NELL1: variants seen among roughly 807,000 people sequenced by gnomAD.
The protein encoded by NELL1 is neural EGFL like 1.
In NELL1, 76 loss-of-function variants were observed where a neutral mutation model predicts 107.4. That is an observed-to-expected ratio of 0.71 (90% CI 0.59 to 0.86). The LOEUF is 0.86. NELL1 is among the 40% of genes least tolerant of loss of function. The pLI, the probability that NELL1 is intolerant of heterozygous loss-of-function variation, is 0.00. For synonymous variants in NELL1, 353 were observed against 341.2 expected (o/e 1.03, Z -0.38); for missense variants, 1,024 against 1,005.5 (o/e 1.02, Z -0.25).
At chr11:21,101,621 G>C (rs1854817586) in intron 12 of NELL1, among the ~76,000 whole-genome samples, 1 of 151,964 alleles carries the variant, frequency 6.6e-6, no homozygotes. Flanking sequence ...GTGTCTTTTG[G>C]CTGCATAAAT....
intron 14 of NELL1, among the ~76,000 whole-genome samples, chr11:21,279,811 C>T (rs1199675837): frequency 6.6e-6 from 1 of 152,110 alleles, no homozygotes; most frequent in Non-Finnish European, 1.5e-5. Flanking sequence ...AACTTGGAAG[C>T]AATAAAAATG....
intron 14 of NELL1, 123 bp downstream of exon 14, chr11:21,229,577 A>T: frequency 1.5e-6 from 2 of 1,323,012 alleles, no homozygotes; most frequent in South Asian, 2.7e-5. Flanking sequence ...CTCCTGGTTT[A>T]TCAACTGGCA....
chr11:20,739,410 A>G (rs867342166), intron 2 of NELL1, among the ~76,000 whole-genome samples: 2 of 50,074 alleles, frequency 4.0e-5, no homozygotes, highest in African/African-American at 5.8e-5. Context: ...CAAATGCTCA[A>G]CATTAAATGA....
chr11:21,557,166 G>A (rs995129305), intron 16 of NELL1, among the ~76,000 whole-genome samples: 2 of 151,898 alleles, frequency 1.3e-5, no homozygotes, highest in Non-Finnish European at 1.5e-5. Context: ...CCATAAATCT[G>A]CTAAATTGCA....
intron 3 of NELL1, among the ~76,000 whole-genome samples, chr11:20,787,298 T>C (rs1237237388): frequency 6.6e-6 from 1 of 152,076 alleles, no homozygotes; most frequent in Non-Finnish European, 1.5e-5. Context: ...GAAGATCTAC[T>C]TAAGGAGACT....
At chr11:20,755,542 T>A (rs1285993816) in intron 2 of NELL1, among the ~76,000 whole-genome samples, 648 of 39,858 alleles carry the variant, frequency 0.016, 14 homozygotes, top group Admixed American at 0.1. Flanking sequence ...GGGTTTTTGT[T>A]TTTTTTTGTT....
intron 13 of NELL1, among the ~76,000 whole-genome samples, chr11:21,123,365 G>A (rs1349759770): frequency 7.4e-6 from 1 of 135,348 alleles, no homozygotes; most frequent in African/African-American, 2.7e-5. Flanking sequence ...GTGTGTGTGT[G>A]TGCGTTTCCA....
intron 15 of NELL1, among the ~76,000 whole-genome samples, chr11:21,411,931 G>A (rs564660583): frequency 1.1e-3 from 171 of 152,114 alleles, no homozygotes; most frequent in African/African-American, 4.0e-3. Flanking sequence ...ATGATTTGGA[G>A]GTTTGTACTG....
intron 12 of NELL1, among the ~76,000 whole-genome samples, chr11:21,006,671 C>A (rs1226161996): frequency 1.3e-5 from 2 of 152,054 alleles, no homozygotes; most frequent in Non-Finnish European, 2.9e-5. Flanking sequence ...CTTTTTGCAG[C>A]TGGCTGAAGA....
chr11:21,189,128 C>T (rs1856996034), intron 13 of NELL1, among the ~76,000 whole-genome samples: 1 of 151,698 alleles, frequency 6.6e-6, no homozygotes, highest in Non-Finnish European at 1.5e-5. Context: ...GAGATTTATC[C>T]CTGCTCACAT....
At chr11:21,269,549 G>A (rs940437305) in intron 14 of NELL1, among the ~76,000 whole-genome samples, 2 of 152,056 alleles carry the variant, frequency 1.3e-5, no homozygotes, top group African/African-American at 4.8e-5. Flanking sequence ...ATATGTAAGT[G>A]TTGAGGGAAA....
rs138328948 is a variant in NELL1, at chr11:21,104,679, C to T, written c.1301-8910C>T. On this transcript the variant is annotated intron_variant, in intron 12 of 19. Transcript: ENST00000357134. ...TCTGGTAATCAACACATCTGCTTGA[C>T]GCATATGTTAGAAGATGATGTTAAA... 1.4e-3 allele frequency among the ~76,000 whole-genome samples: 213 copies of T among 152,258 alleles called. 1 individual carries two copies. Among genetic ancestry groups the T allele is most frequent in the African/African-American group, 4.5e-3 (187 of 41,542 alleles).
At chr11:21,320,680 C>T (rs889326491) in intron 14 of NELL1, among the ~76,000 whole-genome samples, 9 of 152,104 alleles carry the variant, frequency 5.9e-5, no homozygotes, top group Admixed American at 2.0e-4. Flanking sequence ...TTCCAAATAG[C>T]GAAAGCCCCC....
intron 2 of NELL1, among the ~76,000 whole-genome samples, chr11:20,679,733 C>T (rs1436608325): frequency 1.3e-5 from 2 of 152,032 alleles, no homozygotes; most frequent in Non-Finnish European, 2.9e-5. Flanking sequence ...CTATGGAAAC[C>T]TGGCTGGTCT....
At chr11:20,878,531 G>A (rs1251031309) in intron 4 of NELL1, among the ~76,000 whole-genome samples, 24 of 152,046 alleles carry the variant, frequency 1.6e-4, no homozygotes, top group Non-Finnish European at 8.8e-5. Context: ...GACAGTGAGA[G>A]GAGTTTATCT....
At chr11:20,702,803 G>T (rs11524850) in intron 2 of NELL1, among the ~76,000 whole-genome samples, 13,738 of 152,122 alleles carry the variant, frequency 0.09, 820 homozygotes, top group Non-Finnish European at 0.13. Context: ...TTATATGATG[G>T]ATTACGTTTA....
intron 13 of NELL1, among the ~76,000 whole-genome samples, chr11:21,200,437 G>A (rs1362297928): frequency 3.3e-5 from 5 of 152,068 alleles, no homozygotes; most frequent in Non-Finnish European, 5.9e-5. Flanking sequence ...CCACATAAAT[G>A]TCTTCTTTTG....
intron 15 of NELL1, among the ~76,000 whole-genome samples, chr11:21,526,389 C>A (rs183583568): frequency 6.6e-6 from 1 of 152,198 alleles, no homozygotes; most frequent in African/African-American, 2.4e-5. Flanking sequence ...TGAGTGTCTG[C>A]AACTTTTGCA....
At chr11:21,080,722 C>A (rs573588700) in intron 12 of NELL1, among the ~76,000 whole-genome samples, 1 of 152,170 alleles carries the variant, frequency 6.6e-6, no homozygotes, top group East Asian at 1.9e-4. Flanking sequence ...ATTACTATGT[C>A]AAAGGTATGT....
Sources: allele counts gnomAD v4.1 joint callset (sites outside exome capture counted in the v4.1 genomes callset), GRCh38; gene constraint gnomAD v4.1.1; transcripts MANE v1.5; gene names NCBI Gene and HGNC (gene_info 2026-07-23, HGNC 2026-07-21).